Variants in GRM5 observed in about 807,000 individuals in gnomAD.
GRM5 encodes the protein metabotropic glutamate receptor 5.
In GRM5, 19 loss-of-function variants were observed where a neutral mutation model predicts 83.1. The observed-to-expected ratio is 0.23, with a 90% confidence interval of 0.16 to 0.34. GRM5 has a LOEUF of 0.34. GRM5 is among the 10% of genes least tolerant of loss of function. The pLI is 1.00. For missense variants in GRM5, 1,160 were observed against 1,588.3 expected, an observed-to-expected ratio of 0.73 and a Z score of 4.58; for synonymous variants, 675 against 633.6, an observed-to-expected ratio of 1.07 and a Z score of -0.98.
At chr11:88,552,200 A>AT (rs1204720688) in intron 8 of GRM5, among the ~76,000 whole-genome samples, 1 of 151,522 alleles carries the variant, frequency 6.6e-6, no homozygotes, top group Non-Finnish European at 1.5e-5. Flanking sequence ...ATTTTGTTTA[A>AT]TTTTTTTGTA....
intron 3 of GRM5, among the ~76,000 whole-genome samples, chr11:88,825,582 A>G (rs868632570): frequency 1.4e-4 from 22 of 152,212 alleles, no homozygotes; most frequent in African/African-American, 4.1e-4. Context: ...CTTGTAAAAG[A>G]AATTGACAAC....
intron 5 of GRM5, among the ~76,000 whole-genome samples, chr11:88,603,567 CAT>C (rs1938059271): frequency 6.6e-6 from 1 of 151,840 alleles, no homozygotes; most frequent in Admixed American, 6.6e-5. Flanking sequence ...TAGAAAACAA[CAT>C]GTGAAAATTC....
At chr11:88,892,792 T>C (rs1387922519) in intron 2 of GRM5, among the ~76,000 whole-genome samples, 4 of 152,104 alleles carry the variant, frequency 2.6e-5, no homozygotes, top group South Asian at 2.1e-4. Context: ...CAAAGAGAGA[T>C]GGGTAATGTG....
At position 88,880,149 on chromosome 11, in the gene GRM5, C is replaced by A. The variant is rs187648123; in HGVS notation, c.662-29994G>T. On this transcript the variant is annotated intron_variant, in intron 2 of 9. Coordinates refer to ENST00000305447, the MANE Select transcript of GRM5 (RefSeq NM_001143831.3). Reference sequence around the variant, plus strand: ...TGCTAGGCATGAAATAGACAGCATGCAATTTTTGGCTGTTTGATTGCCAAC... The same window carrying A: ...TGCTAGGCATGAAATAGACAGCATGAAATTTTTGGCTGTTTGATTGCCAAC... Among the ~76,000 whole-genome samples, 156 of 151,990 alleles carry A rather than the reference C, an allele frequency of 1.0e-3. 1 individual carries two copies. Among genetic ancestry groups the A allele is most frequent in the African/African-American group, 3.5e-3 (146 of 41,486 alleles).
At chr11:88,527,560 T>C (rs902060268) in intron 8 of GRM5, among the ~76,000 whole-genome samples, 3 of 152,152 alleles carry the variant, frequency 2.0e-5, no homozygotes, top group Non-Finnish European at 4.4e-5. Context: ...AAAGCAGAAC[T>C]ACCATTTGAC....
chr11:88,510,763 G>GC (rs1218619769), intron 9 of GRM5, among the ~76,000 whole-genome samples: 16 of 152,230 alleles, frequency 1.1e-4, no homozygotes, highest in African/African-American at 3.6e-4. Context: ...TGATCAACCT[G>GC]CCTCAGCCTC....
At chr11:89,025,473 G>C (rs1941108709) in intron 2 of GRM5, among the ~76,000 whole-genome samples, 1 of 152,124 alleles carries the variant, frequency 6.6e-6, no homozygotes, top group Non-Finnish European at 1.5e-5. Context: ...TTATAAAGGA[G>C]CATGCAATAA....
intron 3 of GRM5, among the ~76,000 whole-genome samples, chr11:88,827,779 C>G (rs1319793702): frequency 6.6e-6 from 1 of 152,164 alleles, no homozygotes; most frequent in East Asian, 1.9e-4. Context: ...TAGGATAGAG[C>G]AGTAAACAAA....
chr11:88,688,596 C>T (rs751468857), intron 3 of GRM5, among the ~76,000 whole-genome samples: 1 of 152,226 alleles, frequency 6.6e-6, no homozygotes, highest in African/African-American at 2.4e-5. Flanking sequence ...ATAGAGAGAT[C>T]TGGCTAGAAA....
chr11:88,764,508 C>A (rs1452225133), intron 3 of GRM5, among the ~76,000 whole-genome samples: 2 of 151,512 alleles, frequency 1.3e-5, no homozygotes, highest in Admixed American at 6.6e-5. Context: ...AAGTTATTTT[C>A]TCTGACTACA....
intron 8 of GRM5, among the ~76,000 whole-genome samples, chr11:88,537,821 A>G (rs1775816763): frequency 6.6e-6 from 1 of 152,184 alleles, no homozygotes; most frequent in Non-Finnish European, 1.5e-5. Context: ...AAAAACAAAA[A>G]CTGAGCATGA....
chr11:88,619,153 G>A (rs1007988968), intron 4 of GRM5, among the ~76,000 whole-genome samples: 2 of 152,176 alleles, frequency 1.3e-5, no homozygotes. Context: ...CTCAAAACAT[G>A]TTCTTTAATT....
intron 3 of GRM5, among the ~76,000 whole-genome samples, chr11:88,777,409 T>C (rs1211840848): frequency 6.6e-6 from 1 of 152,204 alleles, no homozygotes; most frequent in Non-Finnish European, 1.5e-5. Flanking sequence ...AGAAATTTGT[T>C]ATTACCAACC....
chr11:88,794,578 T>C (rs1401889485), intron 3 of GRM5, among the ~76,000 whole-genome samples: 2 of 152,196 alleles, frequency 1.3e-5, no homozygotes, highest in Admixed American at 1.3e-4. Context: ...TCTATTCCAG[T>C]TGACATGTTA....
intron 2 of GRM5, among the ~76,000 whole-genome samples, chr11:89,021,999 A>G (rs1453319561): frequency 6.6e-6 from 1 of 152,240 alleles, no homozygotes; most frequent in East Asian, 1.9e-4. Flanking sequence ...AGATGATAAC[A>G]AACGTTCTTA....
intron 7 of GRM5, among the ~76,000 whole-genome samples, chr11:88,586,521 TAA>T (rs1320469646): frequency 1.3e-5 from 2 of 152,184 alleles, no homozygotes; most frequent in Non-Finnish European, 2.9e-5. Context: ...TAGGCTGAAG[TAA>T]GGTAACTATA....
At chr11:88,521,695 A>G (rs1167319886) in intron 9 of GRM5, among the ~76,000 whole-genome samples, 1 of 152,036 alleles carries the variant, frequency 6.6e-6, no homozygotes, top group Non-Finnish European at 1.5e-5. Flanking sequence ...GACAAGTTAT[A>G]CTATATTCAG....
At chr11:88,671,376 A>G (rs1328471008) in intron 3 of GRM5, among the ~76,000 whole-genome samples, 2 of 152,136 alleles carry the variant, frequency 1.3e-5, no homozygotes, top group African/African-American at 4.8e-5. Context: ...GCTCCTGACC[A>G]GGATCGTCCA....
intron 3 of GRM5, among the ~76,000 whole-genome samples, chr11:88,831,524 G>A (rs995444878): frequency 1.1e-4 from 17 of 152,180 alleles, no homozygotes; most frequent in Non-Finnish European, 7.3e-5. Flanking sequence ...GCATCAGCAT[G>A]TACCTATTTG....
Sources: gnomAD v4.1 joint callset for allele counts (sites outside exome capture counted in the v4.1 genomes callset) on GRCh38, gnomAD v4.1.1 for gene constraint, MANE v1.5 for transcripts, NCBI Gene and HGNC (gene_info 2026-07-23, HGNC 2026-07-21) for gene names.